Variants in DCC observed in about 807,000 individuals in gnomAD.
DCC encodes the protein netrin receptor DCC.
DCC carries 58 observed loss-of-function variants against 172.5 expected under a neutral mutation model. The observed-to-expected ratio is 0.34, with a 90% CI of 0.27 to 0.42. DCC has a LOEUF of 0.42. Ranked by LOEUF, DCC falls within the 10% of genes least tolerant of loss-of-function variation. The pLI, the probability that DCC is intolerant of heterozygous loss-of-function variation, is 1.00. For synonymous variants in DCC, 709 were observed against 644.5 expected, an observed-to-expected ratio of 1.10 and a Z score of -1.52; for missense variants, 1,740 against 1,791.0, an observed-to-expected ratio of 0.97 and a Z score of 0.51.
At chr18:52,635,715 C>T (rs2034763764) in intron 1 of DCC, among the ~76,000 whole-genome samples, 1 of 152,106 alleles carries the variant, frequency 6.6e-6, no homozygotes, top group South Asian at 2.1e-4. Context: ...TACATAAATC[C>T]TCCTTCCTGA....
Position 53,162,286 on chromosome 18 carries a change from A to G in DCC, c.1418+4774A>G, listed in dbSNP as rs1387037506. On this transcript the variant is annotated intron_variant, in intron 8 of 28. Transcript: ENST00000442544. Reference sequence around the variant, plus strand: ...TGCACCCCAGCTTGGGTGACAAAGCAAGACTCTGCCTCAAAAAAAAAAAAA... The same window carrying G: ...TGCACCCCAGCTTGGGTGACAAAGCGAGACTCTGCCTCAAAAAAAAAAAAA... Among the ~76,000 whole-genome samples, 74 of 144,316 alleles carry G rather than the reference A, an allele frequency of 5.1e-4. 1 individual carries two copies. The highest frequency in any genetic ancestry group is 1.8e-3 in the African/African-American group (71 of 38,520). The allele number at this position is 144,316 out of a possible 152,430, so 94.7% of individuals were successfully genotyped here. A position where few individuals can be genotyped will look rare whatever the true frequency, so the allele number is the denominator to read the frequency against.
intron 5 of DCC, among the ~76,000 whole-genome samples, chr18:52,960,060 A>C (rs1012168560): frequency 6.6e-6 from 1 of 152,140 alleles, no homozygotes. Flanking sequence ...CATGGACTTT[A>C]AGTAGGCTTG....
chr18:52,619,507 T>G (rs1411655116), intron 1 of DCC, among the ~76,000 whole-genome samples: 3 of 152,206 alleles, frequency 2.0e-5, no homozygotes. Flanking sequence ...TTAGAGTTCA[T>G]GGTGTTTGAA....
At chr18:52,590,493 G>A (rs549159762) in intron 1 of DCC, among the ~76,000 whole-genome samples, 9 of 152,124 alleles carry the variant, frequency 5.9e-5, no homozygotes, top group African/African-American at 9.7e-5. Flanking sequence ...CATGCTGATC[G>A]TAATTTGACA....
chr18:52,453,659 T>C (rs1015257975), intron 1 of DCC, among the ~76,000 whole-genome samples: 1 of 152,202 alleles, frequency 6.6e-6, no homozygotes, highest in African/African-American at 2.4e-5. Context: ...TTTAACCCTC[T>C]ATTATTTGAG....
intron 27 of DCC, among the ~76,000 whole-genome samples, chr18:53,521,916 G>T (rs2046403173): frequency 6.6e-6 from 1 of 152,060 alleles, no homozygotes; most frequent in Admixed American, 6.6e-5. Flanking sequence ...TTAAACATAG[G>T]AATGGATAAG....
intron 5 of DCC, among the ~76,000 whole-genome samples, chr18:53,058,896 T>C (rs150443905): frequency 1.3e-3 from 203 of 152,252 alleles, no homozygotes; most frequent in African/African-American, 4.7e-3. Context: ...AGTAGCCTCA[T>C]GAAGGATAGG....
chr18:53,390,106 T>A (rs957872257), intron 16 of DCC, among the ~76,000 whole-genome samples: 1 of 152,184 alleles, frequency 6.6e-6, no homozygotes, highest in Admixed American at 6.5e-5. Flanking sequence ...GGAATCCTTG[T>A]GGAGACTGCA....
At chr18:52,354,854 T>C (rs1411964338) in intron 1 of DCC, among the ~76,000 whole-genome samples, 1 of 152,226 alleles carries the variant, frequency 6.6e-6, no homozygotes, top group African/African-American at 2.4e-5. Context: ...TTCTTTTGCC[T>C]GATTTTTCCT....
At chr18:52,403,546 G>A (rs1182140432) in intron 1 of DCC, among the ~76,000 whole-genome samples, 1 of 151,928 alleles carries the variant, frequency 6.6e-6, no homozygotes, top group Non-Finnish European at 1.5e-5. Flanking sequence ...GGAATAAAAA[G>A]TGCTGCTTCT....
chr18:53,319,858 C>T lies in DCC; in HGVS notation c.2054-2189C>T, dbSNP rs546669309. On this transcript the variant is annotated intron_variant, in intron 13 of 28. Transcript: ENST00000442544. ...AATATCTCTTAGTTAAAGTCAACTACATATGGACTTATTCCCATCGACAAA... is the reference window on the plus strand; with the variant it reads ...AATATCTCTTAGTTAAAGTCAACTATATATGGACTTATTCCCATCGACAAA... Among the ~76,000 whole-genome samples the T allele has an allele frequency of 1.2e-4, 11 of 91,444 alleles. No homozygotes were observed. In the East Asian group the frequency reaches 2.2e-3, roughly 18 times the overall value. 60.0% of individuals were successfully genotyped at this position (91,444 alleles called of 152,430 possible).
At chr18:52,727,990 T>C (rs1200213788) in intron 1 of DCC, among the ~76,000 whole-genome samples, 1 of 152,212 alleles carries the variant, frequency 6.6e-6, no homozygotes, top group African/African-American at 2.4e-5. Flanking sequence ...ACTCTCCCAT[T>C]TCATTATAGT....
intron 9 of DCC, among the ~76,000 whole-genome samples, chr18:53,182,557 A>G (rs1393935119): frequency 6.6e-6 from 1 of 152,218 alleles, no homozygotes; most frequent in African/African-American, 2.4e-5. Context: ...ATTGAGTACT[A>G]CTAAACTCAC....
intron 24 of DCC, among the ~76,000 whole-genome samples, chr18:53,460,297 T>G (rs1192906087): frequency 2.7e-4 from 39 of 142,512 alleles, no homozygotes; most frequent in Admixed American, 3.5e-4. Context: ...TTTTTTTTTT[T>G]TTTTTTAAGT....
intron 12 of DCC, among the ~76,000 whole-genome samples, chr18:53,300,155 T>C (rs2057115537): frequency 6.6e-6 from 1 of 152,204 alleles, no homozygotes; most frequent in African/African-American, 2.4e-5. Context: ...ATTTTTATTA[T>C]ATAAGTACAG....
At position 52,360,082 on chromosome 18, in the gene DCC, AT is replaced by A. The variant is rs1185972442; in HGVS notation, c.91+19211del. On this transcript the variant is annotated intron_variant, in intron 1 of 28. Coordinates refer to ENST00000442544, the MANE Select transcript of DCC (RefSeq NM_005215.4). The stretch of plus-strand genomic sequence containing the variant: ...GGTAATTATTACACTATTGCTTTTT[AT>A]TTTTTTGCAAATCACATTAATTCTT... Among the ~76,000 whole-genome samples, 3 of 151,864 alleles carry A rather than the reference AT, an allele frequency of 2.0e-5. No homozygotes were observed. The East Asian group carries it at 5.9e-4, about 30-fold the overall frequency.
intron 12 of DCC, among the ~76,000 whole-genome samples, chr18:53,226,948 A>ATTTTTTTTTTTTTT (rs397976119): frequency 1.1e-4 from 6 of 52,946 alleles, no homozygotes; most frequent in African/African-American, 2.8e-4. Flanking sequence ...ATATATATAT[A>ATTTTTTTTTTTTTT]TTTTTTTTTT....
Position 52,867,512 on chromosome 18 carries a change from G to GTT in DCC, c.413-38522_413-38521dup, listed in dbSNP as rs201347877. Among the ~76,000 whole-genome samples, 5 of 142,104 alleles carry GTT rather than the reference G, an allele frequency of 3.5e-5. No individual in the cohort carries two copies. The East Asian group carries it at 6.1e-4, about 17-fold the overall frequency. 93.2% of individuals were successfully genotyped at this position (142,104 alleles called of 152,430 possible). On this transcript the variant is annotated intron_variant, in intron 2 of 28. Coordinates refer to ENST00000442544, the MANE Select transcript of DCC (RefSeq NM_005215.4). ...TGGCTGTGAATCCTCCTGGTCTTGG[G>GTT]TTTTTTTTTTTGGGTGGTAGGCTAT...
chr18:53,312,827 C>A (rs1178166201), intron 13 of DCC, among the ~76,000 whole-genome samples: 3 of 75,984 alleles, frequency 3.9e-5, no homozygotes, highest in African/African-American at 1.4e-4. Flanking sequence ...AAAAAAAAAG[C>A]TTTTAATTAC....
Sources: allele counts gnomAD v4.1 joint callset (sites outside exome capture counted in the v4.1 genomes callset), GRCh38; gene constraint gnomAD v4.1.1; transcripts MANE v1.5; gene names NCBI Gene and HGNC (gene_info 2026-07-23, HGNC 2026-07-21).